The following C2orf49 variants were observed in gnomAD, a reference collection of about 807,000 sequenced individuals.
The protein encoded by C2orf49 is tRNA-splicing ligase complex subunit ASW.
In C2orf49, 11 loss-of-function variants were observed where a neutral mutation model predicts 20.6. That is an observed-to-expected ratio of 0.53 (90% confidence interval 0.34 to 0.88). The LOEUF is 0.88. C2orf49 is among the 40% of genes least tolerant of loss of function. C2orf49 has a pLI of 0.02. For missense variants in C2orf49, 289 were observed against 274.2 expected, an observed-to-expected ratio of 1.05 and a Z score of -0.38; for synonymous variants, 134 against 108.5, an observed-to-expected ratio of 1.24 and a Z score of -1.46.
At chr2:105,368,007 G>A in the C2orf49 span, among the ~76,000 whole-genome samples, 1 of 152,176 alleles carries the variant, frequency 6.6e-6, no homozygotes, top group African/African-American at 2.4e-5. Flanking sequence ...ACCGTGGTTA[G>A]GAATGTTAAA....
the C2orf49 span, chr2:105,373,633 T>C: frequency 6.2e-7 from 1 of 1,614,232 alleles, no homozygotes; most frequent in Non-Finnish European, 8.5e-7. Flanking sequence ...ACAGAGCAGC[T>C]GGTCCTCCTT....
chr2:105,338,010 A>T (rs1337279666), intron 1 of C2orf49, among the ~76,000 whole-genome samples: 1 of 152,238 alleles, frequency 6.6e-6, no homozygotes, highest in Non-Finnish European at 1.5e-5. Context: ...CGTGGAATAG[A>T]CATGGAATGT....
chr2:105,377,892 C>T, the C2orf49 span: 1 of 373,304 alleles, frequency 2.7e-6, no homozygotes, highest in African/African-American at 2.1e-5. Flanking sequence ...TGGTGGCTGC[C>T]CTGCCCAGGG....
At chr2:105,385,696 A>C in the C2orf49 span, among the ~76,000 whole-genome samples, 1 of 152,186 alleles carries the variant, frequency 6.6e-6, no homozygotes. Flanking sequence ...TCCTTCAGCA[A>C]TCCAGGTTGG....
At chr2:105,352,428 G>GTTTTTTTTTTTTTTTTTTTTTTTT (rs1558671043), downstream of C2orf49, among the ~76,000 whole-genome samples, 1 of 67,538 alleles carries the variant, frequency 1.5e-5, no homozygotes, top group Non-Finnish European at 2.7e-5. Context: ...TGTTTGTTTG[G>GTTTTTTTTTTTTTTTTTTTTTTTT]GTTTTTTTTT....
chr2:105,345,330 C>T lies in C2orf49; in HGVS notation c.658C>T (p.Pro220Ser). The T allele has an allele frequency of 6.2e-7, 1 of 1,612,132 alleles. No individual in the cohort carries two copies. The highest frequency in any genetic ancestry group is 8.5e-7 in the Non-Finnish European group (1 of 1,179,446). The change falls in exon 4 of 4, where the codon CCA becomes TCA. Residue 220 changes from proline (P) to serine (S), a missense_variant. Pro to Ser is a moderately conservative substitution (Grantham distance 74). Coordinates refer to ENST00000258457, the MANE Select transcript of C2orf49 (RefSeq NM_024093.3). ...EAEAMNNLKP[P>S]QAKRKIQHVT... ...TGTCTTTCAGAATAACCTGAAGCCCCCACAAGCAAAAAGGAAGATACAACA... is the reference window on the plus strand; with the variant it reads ...TGTCTTTCAGAATAACCTGAAGCCCTCACAAGCAAAAAGGAAGATACAACA...
At chr2:105,364,271 A>G in the C2orf49 span, among the ~76,000 whole-genome samples, 1 of 152,040 alleles carries the variant, frequency 6.6e-6, no homozygotes, top group Admixed American at 6.6e-5. Flanking sequence ...AAACAAAACA[A>G]AACAAAACAA....
chr2:105,345,271 GA>G, intron 3 of C2orf49, 43 bp from the exon 4 acceptor site: 5 of 1,540,762 alleles, frequency 3.2e-6, no homozygotes, highest in Non-Finnish European at 4.4e-6. Context: ...GTTGTTTTCT[GA>G]TATTTCTGCA....
chr2:105,365,054 C>T, the C2orf49 span, among the ~76,000 whole-genome samples: 2 of 152,190 alleles, frequency 1.3e-5, no homozygotes, highest in African/African-American at 2.4e-5. Context: ...AACATGTGTC[C>T]TCAGTCCTCC....
chr2:105,375,455 T>C, the C2orf49 span: 1 of 152,206 alleles, frequency 6.6e-6, no homozygotes, highest in South Asian at 2.1e-4. Context: ...CTGGCCAACA[T>C]GGCGAAACCC....
chr2:105,373,870 T>A, the C2orf49 span: 1 of 725,468 alleles, frequency 1.4e-6, no homozygotes, highest in Non-Finnish European at 2.3e-6. Flanking sequence ...CCCACATTCA[T>A]GCCCCAGGAC....
the C2orf49 span, among the ~76,000 whole-genome samples, chr2:105,382,417 G>A: frequency 6.6e-5 from 10 of 152,314 alleles, no homozygotes; most frequent in East Asian, 1.9e-4. Context: ...AGGACCCTCC[G>A]GGTCTGGGCT....
At chr2:105,356,758 A>G in the C2orf49 span, among the ~76,000 whole-genome samples, 1 of 152,164 alleles carries the variant, frequency 6.6e-6, no homozygotes, top group Non-Finnish European at 1.5e-5. Context: ...TCTTAATTAT[A>G]TAGCTATATT....
the C2orf49 span, among the ~76,000 whole-genome samples, chr2:105,368,660 C>T: frequency 3.3e-5 from 5 of 152,196 alleles, no homozygotes; most frequent in African/African-American, 1.2e-4. Context: ...CTGCCACCAC[C>T]AAGCTGGACT....
chr2:105,345,475 T>C lies in C2orf49; in HGVS notation c.*104T>C. On this transcript the variant is annotated 3_prime_UTR_variant, in exon 4 of 4. Coordinates refer to ENST00000258457, the MANE Select transcript of C2orf49 (RefSeq NM_024093.3). The stretch of plus-strand genomic sequence containing the variant: ...AAATCCTGATTATTGTGGAATTTTC[T>C]TAAGAGGTTTCAAATAGGTTTAAAA... The C allele has an allele frequency of 1.1e-6, 1 of 927,918 alleles. No homozygotes were observed. The highest frequency in any genetic ancestry group is 2.3e-4 in the Middle Eastern group (1 of 4,302). 57.5% of individuals were successfully genotyped at this position (927,918 alleles called of 1,614,324 possible).
chr2:105,373,165 G>A, the C2orf49 span, among the ~76,000 whole-genome samples: 8 of 152,196 alleles, frequency 5.3e-5, no homozygotes, highest in South Asian at 2.1e-4. Flanking sequence ...TGCCTGGCAC[G>A]CAAGGGCACC....
the C2orf49 span, among the ~76,000 whole-genome samples, chr2:105,354,311 T>G: frequency 1.3e-5 from 2 of 152,218 alleles, no homozygotes; most frequent in African/African-American, 4.8e-5. Context: ...TTCTTTGACT[T>G]ACTTCAGTGA....
At chr2:105,374,730 G>A in the C2orf49 span, among the ~76,000 whole-genome samples, 12 of 152,180 alleles carry the variant, frequency 7.9e-5, 1 homozygote, top group Middle Eastern at 0.014. Context: ...AATGACATAC[G>A]GCATTTTTAA....
Position 105,339,675 on chromosome 2 carries a change from T to A in C2orf49, c.192T>A (p.Asp64Glu). ...ATGCAATACCATTGCCTCAGAGGGATTTGCCGAAGAATAGATGGGGGAAAA... is the reference window on the plus strand; with the variant it reads ...ATGCAATACCATTGCCTCAGAGGGAATTGCCGAAGAATAGATGGGGGAAAA... ...VQHAIPLPQR[D>E]LPKNRWGKMM... The change falls in exon 2 of 4, where the codon GAT becomes GAA. Residue 64 changes from aspartate to glutamate, a missense_variant. Physicochemically the swap from Asp to Glu is conservative, Grantham distance 45 (BLOSUM62 2). Coordinates refer to ENST00000258457, the MANE Select transcript of C2orf49 (RefSeq NM_024093.3). The A allele has an allele frequency of 1.2e-6, 2 of 1,608,782 alleles. No homozygotes were observed. The highest frequency in any genetic ancestry group is 2.2e-5 in the South Asian group (2 of 89,584).
Sources: gnomAD v4.1 joint callset for allele counts (sites outside exome capture counted in the v4.1 genomes callset) on GRCh38, gnomAD v4.1.1 for gene constraint, MANE v1.5 for transcripts, NCBI Gene and HGNC (gene_info 2026-07-23, HGNC 2026-07-21) for gene names.